Variants in CLEC16A observed in about 807,000 individuals in gnomAD.
The protein encoded by CLEC16A is C-type lectin domain containing 16A, also known as protein CLEC16A.
Under a neutral mutation model 109.5 loss-of-function variants are expected in CLEC16A, and 51 were observed. The observed-to-expected ratio is 0.47, with a 90% CI of 0.37 to 0.59. The LOEUF (loss-of-function observed/expected upper bound fraction) is 0.59. Ranked by LOEUF, CLEC16A falls within the 20% of genes least tolerant of loss-of-function variation. The pLI, the probability that CLEC16A is intolerant of heterozygous loss-of-function variation, is 0.00. For missense variants in CLEC16A, 1,339 were observed against 1,394.0 expected, an observed-to-expected ratio of 0.96 and a Z score of 0.63; for synonymous variants, 673 against 564.2, an observed-to-expected ratio of 1.19 and a Z score of -2.73.
chr16:11,093,926 G>A (rs12924729), intron 19 of CLEC16A, among the ~76,000 whole-genome samples: 51,989 of 152,014 alleles, frequency 0.34, 9,028 homozygotes, highest in South Asian at 0.4. Flanking sequence ...GCCACGGTGC[G>A]TTCAGGGATG....
At chr16:11,113,806 A>T (rs1236592033) in intron 19 of CLEC16A, among the ~76,000 whole-genome samples, 1 of 152,226 alleles carries the variant, frequency 6.6e-6, no homozygotes, top group Admixed American at 6.5e-5. Flanking sequence ...ACACAGAAGG[A>T]ATAAACACAT....
At chr16:11,177,589 G>A (rs2068804810) in intron 23 of CLEC16A, among the ~76,000 whole-genome samples, 1 of 149,264 alleles carries the variant, frequency 6.7e-6, no homozygotes, top group Non-Finnish European at 1.5e-5. Context: ...AACAGAGTGA[G>A]ACTCCGCCAA....
At chr16:11,110,893 C>T (rs534585712) in intron 19 of CLEC16A, among the ~76,000 whole-genome samples, 3 of 152,364 alleles carry the variant, frequency 2.0e-5, no homozygotes, top group African/African-American at 7.2e-5. Context: ...TGCCGTGATA[C>T]TGCTCTTCAT....
chr16:11,126,359 T>C, intron 22 of CLEC16A: 1 of 1,454,748 alleles, frequency 6.9e-7, no homozygotes, highest in Non-Finnish European at 9.0e-7. Context: ...TTGGTTTGGT[T>C]TTCCAGAGAT....
chr16:11,004,137 T>C (rs1206603380), intron 11 of CLEC16A, among the ~76,000 whole-genome samples: 1 of 152,184 alleles, frequency 6.6e-6, no homozygotes, highest in African/African-American at 2.4e-5. Context: ...ATTCCTCCTT[T>C]TGCCCTTTTT....
intron 3 of CLEC16A, among the ~76,000 whole-genome samples, chr16:10,966,741 C>T (rs1679872004): frequency 6.6e-6 from 1 of 152,174 alleles, no homozygotes; most frequent in Non-Finnish European, 1.5e-5. Flanking sequence ...ACAAAACCAT[C>T]ACATCTCGTG....
intron 11 of CLEC16A, among the ~76,000 whole-genome samples, chr16:11,004,201 T>C (rs1208649005): frequency 6.6e-6 from 1 of 152,144 alleles, no homozygotes. Flanking sequence ...AAAACCTTCT[T>C]GAATTGGAGA....
At chr16:11,142,663 G>A (rs941849603) in intron 22 of CLEC16A, among the ~76,000 whole-genome samples, 1 of 152,226 alleles carries the variant, frequency 6.6e-6, no homozygotes, top group African/African-American at 2.4e-5. Flanking sequence ...AATCTTTCTG[G>A]AAGGTTCTGG....
intron 3 of CLEC16A, among the ~76,000 whole-genome samples, chr16:10,966,099 C>T (rs538411090): frequency 1.3e-5 from 2 of 152,272 alleles, no homozygotes; most frequent in African/African-American, 2.4e-5. Flanking sequence ...AAGAAGTGCT[C>T]TGGGTATCAG....
At chr16:11,108,378 A>G (rs1304726735) in intron 19 of CLEC16A, among the ~76,000 whole-genome samples, 2 of 152,390 alleles carry the variant, frequency 1.3e-5, no homozygotes, top group African/African-American at 4.8e-5. Context: ...AAGGCAGTCC[A>G]GGAGCATGGA....
intron 22 of CLEC16A, among the ~76,000 whole-genome samples, chr16:11,132,900 T>C (rs963309719): frequency 6.6e-6 from 1 of 152,110 alleles, no homozygotes; most frequent in Non-Finnish European, 1.5e-5. Flanking sequence ...AATTGTTCAG[T>C]CTTGTTTTCC....
At chr16:10,990,663 T>C (rs756992554) in intron 10 of CLEC16A, among the ~76,000 whole-genome samples, 7 of 152,236 alleles carry the variant, frequency 4.6e-5, no homozygotes, top group Non-Finnish European at 1.0e-4. Flanking sequence ...ACTTAGACCC[T>C]AGCTGGCTTT....
chr16:11,158,419 A>G (rs939554064), intron 22 of CLEC16A, among the ~76,000 whole-genome samples: 1 of 152,242 alleles, frequency 6.6e-6, no homozygotes, highest in Admixed American at 6.5e-5. Flanking sequence ...ACAACCATAA[A>G]TAAGTGTAGG....
rs546875274 is a variant in CLEC16A at position 10,960,364 on chromosome 16, G to T, written c.210-2091G>T. The stretch of plus-strand genomic sequence containing the variant: ...TGCCACCCTGAAAGTTTTGAGAAAT[G>T]CTAGCCAGGTCTCCTGTGGAATGTC... On this transcript the variant is annotated intron_variant, in intron 2 of 23. Coordinates refer to ENST00000409790, the MANE Select transcript of CLEC16A (RefSeq NM_015226.3). Among the ~76,000 whole-genome samples the T allele has an allele frequency of 2.0e-4, 30 of 152,274 alleles. No individual in the cohort carries two copies. In the South Asian group the frequency reaches 5.2e-3, roughly 26 times the overall value.
intron 22 of CLEC16A, among the ~76,000 whole-genome samples, chr16:11,135,523 A>G (rs947542403): frequency 6.6e-6 from 1 of 152,204 alleles, no homozygotes; most frequent in African/African-American, 2.4e-5. Context: ...GAGGGGAAGA[A>G]GAGAGTTCCA....
intron 19 of CLEC16A, among the ~76,000 whole-genome samples, chr16:11,067,471 T>C (rs1361856968): frequency 6.6e-6 from 1 of 151,724 alleles, no homozygotes; most frequent in African/African-American, 2.4e-5. Flanking sequence ...CTGGGGCCGA[T>C]GGGGATTTGG....
chr16:11,023,572 C>T (rs966419177), intron 12 of CLEC16A, among the ~76,000 whole-genome samples: 1 of 150,854 alleles, frequency 6.6e-6, no homozygotes, highest in African/African-American at 2.4e-5. Context: ...TTGTGTGTCA[C>T]GTGTGTGTTT....
intron 22 of CLEC16A, among the ~76,000 whole-genome samples, chr16:11,141,527 A>G (rs1042391435): frequency 5.3e-5 from 8 of 152,222 alleles, no homozygotes; most frequent in African/African-American, 1.9e-4. Context: ...GGAGGGGTGC[A>G]AGGAGACATG....
intron 21 of CLEC16A, 55 bp from the exon 22 acceptor site, chr16:11,125,924 C>T: frequency 2.6e-6 from 1 of 386,582 alleles, no homozygotes; most frequent in South Asian, 5.9e-5. Flanking sequence ...CAAATTCTCA[C>T]CACCCCCCTC....
Sources: gnomAD v4.1 joint callset for allele counts (sites outside exome capture counted in the v4.1 genomes callset) on GRCh38, gnomAD v4.1.1 for gene constraint, MANE v1.5 for transcripts, NCBI Gene and HGNC (gene_info 2026-07-23, HGNC 2026-07-21) for gene names.